The following GON4L variants were observed in gnomAD, a reference collection of about 807,000 sequenced individuals.
GON4L encodes the protein gon-4 like.
Under a neutral mutation model 211.8 loss-of-function variants are expected in GON4L, and 87 were observed. The observed-to-expected ratio is 0.41, with a 90% CI of 0.35 to 0.49. The LOEUF (loss-of-function observed/expected upper bound fraction) is 0.49, where lower values mean the gene tolerates loss of function less well. Ranked by LOEUF, GON4L falls within the 20% of genes least tolerant of loss-of-function variation. GON4L has a pLI of 0.15. For synonymous variants in GON4L, 875 were observed against 962.6 expected, an observed-to-expected ratio of 0.91 and a Z score of 1.68; for missense variants, 2,155 against 2,659.5, an observed-to-expected ratio of 0.81 and a Z score of 4.17.
chr1:155,810,706 C>CAAA (rs34418869), intron 10 of GON4L, among the ~76,000 whole-genome samples: 1 of 106,878 alleles, frequency 9.4e-6, no homozygotes. Context: ...GACTCCGTCT[C>CAAA]AAAAAAAAAA....
At chr1:155,779,897 A>G (rs1350131150) in intron 14 of GON4L, among the ~76,000 whole-genome samples, 1 of 152,026 alleles carries the variant, frequency 6.6e-6, no homozygotes, top group Non-Finnish European at 1.5e-5. Context: ...TCCTGGGTTC[A>G]AGTGATTCTC....
chr1:155,854,144 GTTTT>G (rs1206851101), intron 1 of GON4L, among the ~76,000 whole-genome samples: 2 of 151,926 alleles, frequency 1.3e-5, no homozygotes, highest in African/African-American at 4.8e-5. Flanking sequence ...TTATTTTTGT[GTTTT>G]TTTGTTTTTG....
At chr1:155,835,230 G>A (rs1223452158) in intron 2 of GON4L, among the ~76,000 whole-genome samples, 2 of 152,016 alleles carry the variant, frequency 1.3e-5, no homozygotes, top group African/African-American at 2.4e-5. Context: ...GATTAAGGGC[G>A]GTGCAAGATG....
chr1:155,852,730 G>A (rs768209308), intron 2 of GON4L, among the ~76,000 whole-genome samples: 2 of 152,136 alleles, frequency 1.3e-5, no homozygotes, highest in East Asian at 1.9e-4. Flanking sequence ...GTGACAGAGC[G>A]AGACTCCGTC....
Position 155,766,722 on chromosome 1 carries a change from A to G in GON4L, c.2764-13T>C. 6.2e-7 allele frequency: 1 copy of G among 1,613,996 alleles called. No individual in the cohort carries two copies. Among genetic ancestry groups the G allele is most frequent in the Non-Finnish European group, 8.5e-7 (1 of 1,180,042 alleles). Reference sequence around the variant, plus strand: ...ATGGCAGACTGGCCTATTGGAAACAAGAACACTCTGATCCAGCATATGTCA... The same window carrying G: ...ATGGCAGACTGGCCTATTGGAAACAGGAACACTCTGATCCAGCATATGTCA... On this transcript the variant is annotated splice_polypyrimidine_tract_variant and intron_variant, in intron 20 of 31. Transcript: ENST00000368331.
At chr1:155,847,600 G>A (rs934103768) in intron 2 of GON4L, among the ~76,000 whole-genome samples, 2 of 152,156 alleles carry the variant, frequency 1.3e-5, no homozygotes, top group African/African-American at 4.8e-5. Flanking sequence ...TACTCAGGAA[G>A]CTGGGGCAGG....
chr1:155,842,523 CAAAAAAAAAAA>C (rs71591917), intron 2 of GON4L, among the ~76,000 whole-genome samples: 1 of 26,000 alleles, frequency 3.8e-5, no homozygotes, highest in Non-Finnish European at 7.4e-5. Flanking sequence ...GACTCCATCT[CAAAAAAAAAAA>C]AAAAAAAAAA....
chr1:155,837,459 T>C (rs1369969114), intron 2 of GON4L, among the ~76,000 whole-genome samples: 2 of 152,190 alleles, frequency 1.3e-5, no homozygotes, highest in Non-Finnish European at 2.9e-5. Context: ...TTTCTGCCTT[T>C]TCAGTCTTCT....
Position 155,760,514 on chromosome 1 carries a change from T to G in GON4L, c.5039A>C (p.Gln1680Pro). The G allele has an allele frequency of 6.2e-7, 1 of 1,613,794 alleles. No individual in the cohort carries two copies. The highest frequency in any genetic ancestry group is 8.5e-7 in the Non-Finnish European group (1 of 1,179,708). Residue 1680 changes from glutamine (Q) to proline (P), a missense_variant, in exon 24 of 32, where the codon CAA (glutamine) becomes CCA (proline). Transcript: ENST00000368331. ...DLYKSLQILLQDWPQLLKDFA... is the reference protein window; with the variant it reads ...DLYKSLQILLPDWPQLLKDFA... ...GTCTTTCAACAGCTGAGGCCAGTCT[T>G]GGAGCAGAATTTGCAGGCTTTTGTA... is the stretch of plus-strand genomic sequence containing the variant.
intron 21 of GON4L, among the ~76,000 whole-genome samples, chr1:155,764,023 C>CAAAA (rs928492087): frequency 4.3e-5 from 1 of 23,114 alleles, no homozygotes; most frequent in African/African-American, 6.3e-5. Context: ...CAAAAACAAA[C>CAAAA]AAAAAAAAAA....
chr1:155,765,772 G>A lies in GON4L; in HGVS notation c.3701C>T (p.Ala1234Val), dbSNP rs781002132. 69 of 1,614,084 alleles carry A rather than the reference G, an allele frequency of 4.3e-5. No individual in the cohort carries two copies. The highest frequency in any genetic ancestry group is 1.0e-5 in the Non-Finnish European group (12 of 1,180,052). The change falls in exon 21 of 32, where the codon GCT becomes GTT. Residue 1234 changes from alanine to valine, a missense_variant. Around this residue, in one of 6 missense-constraint regions of GON4L, gnomAD observed 615 missense variants for 625.7 expected, o/e 0.98. Coordinates refer to ENST00000368331, the MANE Select transcript of GON4L (RefSeq NM_001282860.2). ...KAHVNVDIAC[A>V]VADGENAFQG... ...AAAGGCATTTTCCCCATCAGCCACA[G>A]CACAAGCAATGTCCACATTCACGTG... is the stretch of plus-strand genomic sequence containing the variant.
intron 2 of GON4L, among the ~76,000 whole-genome samples, chr1:155,845,122 G>A (rs1288419803): frequency 6.6e-6 from 1 of 152,180 alleles, no homozygotes; most frequent in Admixed American, 6.6e-5. Flanking sequence ...TGGGGGGAGT[G>A]AGGTAGGAGA....
chr1:155,759,959 TA>T (rs1327415775), intron 24 of GON4L, among the ~76,000 whole-genome samples: 1 of 134,760 alleles, frequency 7.4e-6, no homozygotes, highest in African/African-American at 3.2e-5. Context: ...ATTTATATTT[TA>T]TATATTATAT....
chr1:155,824,340 A>C (rs1233252818), intron 3 of GON4L, among the ~76,000 whole-genome samples: 1 of 148,046 alleles, frequency 6.8e-6, no homozygotes, highest in African/African-American at 2.5e-5. Context: ...AAGCTGAGGC[A>C]GGAGAATTGC....
chr1:155,812,858 GT>G (rs559284104), intron 10 of GON4L, among the ~76,000 whole-genome samples: 2 of 152,068 alleles, frequency 1.3e-5, no homozygotes, highest in Non-Finnish European at 2.9e-5. Flanking sequence ...CGCACAGCCT[GT>G]ATCCTGATTT....
chr1:155,822,940 C>T (rs1217745995), intron 3 of GON4L, among the ~76,000 whole-genome samples: 1 of 152,136 alleles, frequency 6.6e-6, no homozygotes, highest in Non-Finnish European at 1.5e-5. Context: ...GGATTACAGG[C>T]ATGTGCCACC....
At chr1:155,821,371 A>G in intron 5 of GON4L, 103 bp downstream of exon 5, 1 of 736,672 alleles carries the variant, frequency 1.4e-6, no homozygotes, top group Non-Finnish European at 2.5e-6. Flanking sequence ...CTTTAACCCC[A>G]GCTGCCAAAC....
rs1231154456 is a variant in GON4L at position 155,755,067 on chromosome 1, A to AT, written c.5518-580dup. ...GACTGCGCACCACCACGCCTAGCTA[A>AT]TTTTTTTTTTTTTTTTTTTTTGAGA... On this transcript the variant is annotated intron_variant, in intron 27 of 31. Coordinates refer to ENST00000368331, the MANE Select transcript of GON4L (RefSeq NM_001282860.2). Among the ~76,000 whole-genome samples the AT allele has an allele frequency of 6.4e-3, 800 of 125,086 alleles. 9 individuals are homozygous for AT. Among genetic ancestry groups the AT allele is most frequent in the South Asian group, 0.013 (50 of 3,846 alleles). The allele number at this position is 125,086 out of a possible 152,430, so 82.1% of individuals were successfully genotyped here.
intron 2 of GON4L, among the ~76,000 whole-genome samples, chr1:155,849,143 CA>C (rs764161223): frequency 1.9e-4 from 23 of 120,074 alleles, no homozygotes; most frequent in African/African-American, 7.4e-4. Context: ...GACTCCATCT[CA>C]AAAAAAAAAA....
Sources: allele counts gnomAD v4.1 joint callset (sites outside exome capture counted in the v4.1 genomes callset), GRCh38; gene constraint gnomAD v4.1.1; regional missense constraint gnomAD v4.1.1; transcripts MANE v1.5; gene names NCBI Gene and HGNC (gene_info 2026-07-23, HGNC 2026-07-21).